The following METTL9 variants were observed in gnomAD, a reference collection of about 807,000 sequenced individuals.
METTL9 encodes the protein protein-L-histidine N-pros-methyltransferase.
Under a neutral mutation model 36.0 loss-of-function variants are expected in METTL9, and 10 were observed. The ratio of observed to expected loss-of-function variants is 0.28; its 90% CI spans 0.17 to 0.47. The LOEUF is 0.47. Among genes scored for constraint, METTL9 ranks in the 20% least tolerant of loss-of-function variants. METTL9 has a pLI of 0.99. For synonymous variants in METTL9, 175 were observed against 149.7 expected (o/e 1.17, Z -1.23); for missense variants, 246 against 383.5 (o/e 0.64, Z 3.00).
intron 4 of METTL9, among the ~76,000 whole-genome samples, chr16:21,630,362 C>T (rs565798309): frequency 1.7e-4 from 26 of 152,358 alleles, no homozygotes; most frequent in African/African-American, 6.0e-4. Flanking sequence ...CAGAGGGAGC[C>T]GGCTCTGGCC....
chr16:21,654,049 T>TG (rs1358678171), intron 4 of METTL9: 1 of 144,532 alleles, frequency 6.9e-6, no homozygotes, highest in African/African-American at 2.6e-5. Flanking sequence ...TTTTTTTTTT[T>TG]TTTTTTTTTT....
intron 4 of METTL9, chr16:21,627,350 T>G (rs1387228301): frequency 1.0e-6 from 1 of 985,148 alleles, no homozygotes; most frequent in Non-Finnish European, 1.2e-6. Context: ...GGTAATTGTT[T>G]TGGTAAATGG....
chr16:21,644,281 T>G (rs1003706171), intron 4 of METTL9: 10 of 1,570,594 alleles, frequency 6.4e-6, no homozygotes, highest in Non-Finnish European at 8.8e-6. Context: ...GCAAGAGGAT[T>G]TGACTTACTT....
Position 21,624,390 on chromosome 16 carries a change from C to G in METTL9, c.567-541C>G, listed in dbSNP as rs1965773338. Among the ~76,000 whole-genome samples, 7 of 152,108 alleles carry G rather than the reference C, an allele frequency of 4.6e-5. No homozygotes were observed. The South Asian group carries it at 1.0e-3, about 23-fold the overall frequency. ...ACATGATTAGTTCTTGTAAAGGAAA[C>G]TTCGTATGTGTTGAGATTTGGAAAT... On this transcript the variant is annotated intron_variant, in intron 3 of 4. Transcript: ENST00000358154.
At chr16:21,615,246 G>A (rs1417332179) in intron 2 of METTL9, among the ~76,000 whole-genome samples, 2 of 151,490 alleles carry the variant, frequency 1.3e-5, no homozygotes, top group African/African-American at 4.9e-5. Flanking sequence ...TTTCTTTTTT[G>A]GAGACAGGGT....
chr16:21,615,083 C>G (rs574104190), intron 2 of METTL9, among the ~76,000 whole-genome samples: 1 of 152,284 alleles, frequency 6.6e-6, no homozygotes, highest in East Asian at 1.9e-4. Flanking sequence ...CCCATTGCCC[C>G]CTAGAGGGCA....
chr16:21,637,402 A>T (rs992594510), intron 4 of METTL9, among the ~76,000 whole-genome samples: 5 of 152,168 alleles, frequency 3.3e-5, no homozygotes, highest in African/African-American at 1.2e-4. Flanking sequence ...TTTATAAACC[A>T]TTAGCTAGAC....
Position 21,599,657 on chromosome 16 carries a change from G to T in METTL9, c.-77G>T. 1 of 1,349,958 alleles carries T rather than the reference G, an allele frequency of 7.4e-7. No individual in the cohort carries two copies. The highest frequency in any genetic ancestry group is 9.4e-7 in the Non-Finnish European group (1 of 1,060,338). The allele number at this position is 1,349,958 out of a possible 1,614,324, so 83.6% of individuals were successfully genotyped here. ...TGGCTCGAGCTCGGGCGGTGGCGGC[G>T]GTGGCCGGAGGCGGCGGTGCCTCCT... On this transcript the variant is annotated 5_prime_UTR_variant, in exon 1 of 5. Transcript: ENST00000358154. This position sits in a 1 kb window ranked among gnomAD's most constrained non-coding sequence, Gnocchi z 4.4.
At chr16:21,613,168 CTTTTTTTTTTTTTT>C (rs57388340) in intron 2 of METTL9, among the ~76,000 whole-genome samples, 45 of 91,426 alleles carry the variant, frequency 4.9e-4, no homozygotes, top group Middle Eastern at 6.6e-3. Context: ...TGAGAGTCTG[CTTTTTTTTTTTTTT>C]TTTTTTTTTT....
intron 2 of METTL9, 143 bp downstream of exon 2, chr16:21,612,978 A>C: frequency 1.4e-6 from 1 of 691,536 alleles, no homozygotes; most frequent in South Asian, 2.2e-5. Context: ...CAGTTGGTCC[A>C]GCGTTCTATC....
chr16:21,600,821 C>T (rs1277474592), intron 1 of METTL9, among the ~76,000 whole-genome samples: 1 of 152,150 alleles, frequency 6.6e-6, no homozygotes, highest in African/African-American at 2.4e-5. Context: ...AGAGTGTTGG[C>T]TTGTCATAGC....
intron 4 of METTL9, among the ~76,000 whole-genome samples, chr16:21,627,732 A>G (rs926193752): frequency 6.6e-6 from 1 of 152,202 alleles, no homozygotes; most frequent in African/African-American, 2.4e-5. Flanking sequence ...GCAGATCATG[A>G]GGTCAGGAGA....
chr16:21,619,587 A>ATTTTTTTTTTTTTTTTTT (rs35728063), intron 3 of METTL9, among the ~76,000 whole-genome samples: 3 of 124,224 alleles, frequency 2.4e-5, no homozygotes, highest in Non-Finnish European at 3.3e-5. Context: ...TGCCCGGCTA[A>ATTTTTTTTTTTTTTTTTT]TTTTTTTTTT....
Position 21,618,080 on chromosome 16 carries a change from A to G in METTL9, c.566+6A>G, listed in dbSNP as rs371040789. The G allele has an allele frequency of 8.4e-6, 13 of 1,538,684 alleles. No individual in the cohort carries two copies. Among genetic ancestry groups the G allele is most frequent in the African/African-American group, 8.4e-5 (6 of 71,708 alleles). ...CTTCAGAAAAAGAAATACAGGTATA[A>G]TTTTCTTGGTTTTAGATGCATTTCT... On this transcript the variant is annotated splice_donor_region_variant and intron_variant, in intron 3 of 4. Transcript: ENST00000358154.
chr16:21,621,698 G>A (rs1162312945), intron 3 of METTL9, among the ~76,000 whole-genome samples: 3 of 152,122 alleles, frequency 2.0e-5, no homozygotes, highest in Non-Finnish European at 4.4e-5. Context: ...TTCGCAAGTT[G>A]TCATTGTTTA....
At chr16:21,629,444 A>G (rs920001256) in intron 4 of METTL9, among the ~76,000 whole-genome samples, 3 of 152,198 alleles carry the variant, frequency 2.0e-5, no homozygotes, top group African/African-American at 7.2e-5. Context: ...ACCAGAACTC[A>G]TAAATTTCTA....
At chr16:21,611,749 A>G (rs1273745883) in intron 1 of METTL9, among the ~76,000 whole-genome samples, 1 of 152,206 alleles carries the variant, frequency 6.6e-6, no homozygotes, top group Non-Finnish European at 1.5e-5. Context: ...GTCTGAGCTC[A>G]CATAGGAAGG....
Position 21,631,110 on chromosome 16 carries a change from C to G in METTL9, c.751+5995C>G, listed in dbSNP as rs572480466. ...GATAGATTTTGTTATTTCTTGCAAA[C>G]TATCTGAGAAATCCTTTGATAGTGT... On this transcript the variant is annotated intron_variant, in intron 4 of 4. Coordinates refer to ENST00000358154, the MANE Select transcript of METTL9 (RefSeq NM_016025.5). Among the ~76,000 whole-genome samples the G allele has an allele frequency of 3.3e-5, 5 of 152,250 alleles. No individual in the cohort carries two copies. In the East Asian group the frequency reaches 7.7e-4, roughly 23 times the overall value.
At chr16:21,652,905 T>C in intron 4 of METTL9, 1 of 301,846 alleles carries the variant, frequency 3.3e-6, no homozygotes, top group Non-Finnish European at 6.1e-6. Flanking sequence ...GTTTGACAAA[T>C]AATTCGTACT....
Sources: allele counts gnomAD v4.1 joint callset (sites outside exome capture counted in the v4.1 genomes callset), GRCh38; gene constraint gnomAD v4.1.1; non-coding constraint Gnocchi (gnomAD v3.1); transcripts MANE v1.5; gene names NCBI Gene and HGNC (gene_info 2026-07-23, HGNC 2026-07-21).